Variants in PATJ observed in about 807,000 individuals in gnomAD.
PATJ encodes PATJ crumbs cell polarity complex component, also known as inaD-like protein.
In PATJ, 190 loss-of-function variants were observed where a neutral mutation model predicts 224.9. That is an observed-to-expected ratio of 0.84 (90% CI 0.75 to 0.95). The LOEUF is 0.95. Ranked by LOEUF, PATJ falls within the 40% of genes least tolerant of loss-of-function variation. The pLI, the probability that PATJ is intolerant of heterozygous loss-of-function variation, is 0.00. For missense variants in PATJ, 2,121 were observed against 2,270.3 expected, an observed-to-expected ratio of 0.93 and a Z score of 1.34; for synonymous variants, 769 against 820.3, an observed-to-expected ratio of 0.94 and a Z score of 1.07.
chr1:62,079,486 A>G lies in PATJ; in HGVS notation c.4162A>G (p.Lys1388Glu). ...GATGAAACAGCAAAAATATCCAACA[A>G]AAGTCTCCTTCAGTTCACAAGAGAT... is the stretch of plus-strand genomic sequence containing the variant. ...SQMKQQKYPTKVSFSSQEIPL... is the reference protein window; with the variant it reads ...SQMKQQKYPTEVSFSSQEIPL... Residue 1388 changes from lysine (K) to glutamate (E), a missense_variant, in exon 32 of 44, where the codon AAA (lysine) becomes GAA (glutamate). Coordinates refer to ENST00000642238, the MANE Select transcript of PATJ (RefSeq NM_001350145.3). The G allele has an allele frequency of 5.0e-6, 8 of 1,613,972 alleles. No homozygotes were observed. Among genetic ancestry groups the G allele is most frequent in the Middle Eastern group, 1.6e-4 (1 of 6,062 alleles).
At chr1:62,056,598 T>G (rs1243120031) in intron 31 of PATJ, among the ~76,000 whole-genome samples, 4 of 151,946 alleles carry the variant, frequency 2.6e-5, no homozygotes, top group Admixed American at 6.6e-5. Flanking sequence ...CTGGCCAACA[T>G]GGCGAAACCC....
chr1:62,015,825 G>A lies in PATJ; in HGVS notation c.3868-2031G>A, dbSNP rs1054711934. On this transcript the variant is annotated intron_variant, in intron 28 of 43. Coordinates refer to ENST00000642238, the MANE Select transcript of PATJ (RefSeq NM_001350145.3). Reference sequence around the variant, plus strand: ...TGGGACGATAGACATGCACCACCACGCCCAGCTAACTTTTGTATTTTTTAG... The same window carrying A: ...TGGGACGATAGACATGCACCACCACACCCAGCTAACTTTTGTATTTTTTAG... 3.6e-4 allele frequency among the ~76,000 whole-genome samples: 55 copies of A among 152,160 alleles called. 1 individual carries two copies. Among genetic ancestry groups the A allele is most frequent in the Middle Eastern group, 3.4e-3 (1 of 294 alleles).
chr1:61,937,267 C>T (rs1374631122), intron 27 of PATJ, among the ~76,000 whole-genome samples: 1 of 152,132 alleles, frequency 6.6e-6, no homozygotes, highest in Non-Finnish European at 1.5e-5. Context: ...CAGTTTCGTT[C>T]TGTCACCCAG....
At chr1:61,775,124 A>C (rs1570412254) in intron 6 of PATJ, 82 bp from the exon 7 acceptor site, 1 of 1,361,282 alleles carries the variant, frequency 7.3e-7, no homozygotes, top group Non-Finnish European at 9.9e-7. Flanking sequence ...CAAATCTGTT[A>C]CTTTGGTAAT....
intron 37 of PATJ, 146 bp from the exon 38 acceptor site, chr1:62,121,035 G>A: frequency 1.8e-6 from 1 of 568,248 alleles, no homozygotes; most frequent in East Asian, 3.0e-5. Flanking sequence ...TAGTGTGGGT[G>A]ATTTTTGTTT....
At chr1:61,861,398 A>C (rs1431068635) in intron 18 of PATJ, among the ~76,000 whole-genome samples, 153 bp from the exon 19 acceptor site, 1 of 147,346 alleles carries the variant, frequency 6.8e-6, no homozygotes, top group African/African-American at 2.5e-5. Flanking sequence ...AAATAGGTAT[A>C]TGTGTGCATT....
chr1:61,808,200 G>C (rs953518064), intron 13 of PATJ, among the ~76,000 whole-genome samples: 1 of 152,084 alleles, frequency 6.6e-6, no homozygotes, highest in Non-Finnish European at 1.5e-5. Context: ...AGGGGTCATG[G>C]ATTTTTAAAA....
chr1:62,071,702 G>T (rs182545876), intron 31 of PATJ, among the ~76,000 whole-genome samples: 111 of 152,088 alleles, frequency 7.3e-4, no homozygotes, highest in Middle Eastern at 3.4e-3. Context: ...GGCTGGTCTC[G>T]AACTCCTGAC....
intron 34 of PATJ, among the ~76,000 whole-genome samples, chr1:62,112,162 T>C (rs1663901657): frequency 6.6e-6 from 1 of 152,166 alleles, no homozygotes; most frequent in South Asian, 2.1e-4. Flanking sequence ...TCCTTTCCCG[T>C]AACCATTCTT....
chr1:61,743,902 A>C (rs1274758787), intron 1 of PATJ, among the ~76,000 whole-genome samples: 1 of 152,108 alleles, frequency 6.6e-6, no homozygotes, highest in Non-Finnish European at 1.5e-5. Context: ...GTAAAAGGAA[A>C]CTTTTATTGG....
intron 27 of PATJ, among the ~76,000 whole-genome samples, chr1:61,977,310 G>A (rs1321769210): frequency 2.0e-5 from 3 of 151,880 alleles, no homozygotes; most frequent in East Asian, 1.9e-4. Flanking sequence ...GGCTGATCTC[G>A]AACTCCTAGC....
chr1:61,754,716 A>G (rs1645535244), intron 1 of PATJ, among the ~76,000 whole-genome samples: 1 of 151,780 alleles, frequency 6.6e-6, no homozygotes. Flanking sequence ...TTCACCATGG[A>G]ATTGTAATTT....
At chr1:62,002,956 A>T (rs1293768358) in intron 28 of PATJ, among the ~76,000 whole-genome samples, 1 of 152,206 alleles carries the variant, frequency 6.6e-6, no homozygotes, top group African/African-American at 2.4e-5. Flanking sequence ...GTTTAGGGAA[A>T]GTCTTGACTG....
intron 27 of PATJ, among the ~76,000 whole-genome samples, chr1:61,929,105 A>G (rs190420430): frequency 2.8e-4 from 43 of 152,344 alleles, no homozygotes; most frequent in African/African-American, 9.9e-4. Flanking sequence ...TTGGAGAGCT[A>G]CACATGGTGT....
intron 28 of PATJ, among the ~76,000 whole-genome samples, chr1:62,004,193 G>A (rs1645959857): frequency 6.6e-6 from 1 of 152,172 alleles, no homozygotes; most frequent in South Asian, 2.1e-4. Context: ...GGATCCTTGA[G>A]GGCGGCAACT....
At chr1:62,085,621 C>T (rs115131077) in intron 33 of PATJ, among the ~76,000 whole-genome samples, 2 of 152,028 alleles carry the variant, frequency 1.3e-5, no homozygotes, top group Non-Finnish European at 2.9e-5. Flanking sequence ...TTGAGACAGC[C>T]TGGGCAACAT....
chr1:61,748,433 T>C (rs1399152787), intron 1 of PATJ, among the ~76,000 whole-genome samples: 4 of 149,454 alleles, frequency 2.7e-5, no homozygotes, highest in Admixed American at 1.3e-4. Context: ...TTTTTGTATT[T>C]TTAGTACAGA....
chr1:61,871,414 C>CGT (rs1666412210), intron 20 of PATJ, among the ~76,000 whole-genome samples: 2 of 108,716 alleles, frequency 1.8e-5, no homozygotes, highest in Non-Finnish European at 3.9e-5. Context: ...TATATATATA[C>CGT]ATATATATGT....
Position 61,787,895 on chromosome 1 carries a change from G to A in PATJ, c.991G>A (p.Asp331Asn). 6.2e-7 allele frequency: 1 copy of A among 1,614,138 alleles called. No homozygotes were observed. The highest frequency in any genetic ancestry group is 8.5e-7 in the Non-Finnish European group (1 of 1,180,022). ...RMLVARDPAG[D>N]ISVTPPAPAA... Reference sequence around the variant, plus strand: ...GCTCGTTGCTAGAGATCCAGCTGGTGACATTTCAGTCACCCCCCCTGCCCC... The same window carrying A: ...GCTCGTTGCTAGAGATCCAGCTGGTAACATTTCAGTCACCCCCCCTGCCCC... The change falls in exon 8 of 44, where the codon GAC becomes AAC. Residue 331 changes from aspartate to asparagine, a missense_variant. Physicochemically the swap from Asp to Asn is conservative, Grantham distance 23. Coordinates refer to ENST00000642238, the MANE Select transcript of PATJ (RefSeq NM_001350145.3).
Sources: gnomAD v4.1 joint callset for allele counts (sites outside exome capture counted in the v4.1 genomes callset) on GRCh38, gnomAD v4.1.1 for gene constraint, MANE v1.5 for transcripts, NCBI Gene and HGNC (gene_info 2026-07-23, HGNC 2026-07-21) for gene names.